The following PLEKHA5 variants were observed in gnomAD, a reference collection of about 807,000 sequenced individuals.
The protein encoded by PLEKHA5 is pleckstrin homology domain containing A5.
In PLEKHA5, 55 loss-of-function variants were observed where a neutral mutation model predicts 181.9. The ratio of observed to expected loss-of-function variants is 0.30; its 90% CI spans 0.24 to 0.38. The LOEUF is 0.38. PLEKHA5 is among the 10% of genes least tolerant of loss of function. The pLI, the probability that PLEKHA5 is intolerant of heterozygous loss-of-function variation, is 1.00. For synonymous variants in PLEKHA5, 535 were observed against 529.4 expected (o/e 1.01, Z -0.15); for missense variants, 1,432 against 1,549.5 (o/e 0.92, Z 1.27).
At chr12:19,153,853 T>C (rs1210561293) in intron 3 of PLEKHA5, 1 of 152,214 alleles carries the variant, frequency 6.6e-6, no homozygotes, top group Non-Finnish European at 1.5e-5. Flanking sequence ...TTGTCTGGCT[T>C]TGATAGCAAG....
intron 16 of PLEKHA5, among the ~76,000 whole-genome samples, chr12:19,316,581 A>G (rs1229227574): frequency 6.6e-6 from 1 of 152,168 alleles, no homozygotes; most frequent in African/African-American, 2.4e-5. Flanking sequence ...TGAATGTCTA[A>G]TGTCAGCAGC....
chr12:19,365,884 G>C, intron 29 of PLEKHA5, 80 bp from the exon 30 acceptor site: 1 of 817,370 alleles, frequency 1.2e-6, no homozygotes, highest in East Asian at 2.9e-5. Flanking sequence ...ATAGGTGGTG[G>C]CATCTTTTAT....
At chr12:19,199,316 T>C (rs1389169226) in intron 3 of PLEKHA5, among the ~76,000 whole-genome samples, 1 of 152,136 alleles carries the variant, frequency 6.6e-6, no homozygotes, top group East Asian at 1.9e-4. Flanking sequence ...TATATCTGGG[T>C]GAGAAAGCAA....
intron 3 of PLEKHA5, among the ~76,000 whole-genome samples, chr12:19,216,705 A>G (rs945383419): frequency 1.3e-5 from 2 of 151,916 alleles, no homozygotes; most frequent in Non-Finnish European, 2.9e-5. Flanking sequence ...AGCCTAGACT[A>G]CCTAAGGGAT....
chr12:19,174,639 C>G (rs138097097), intron 3 of PLEKHA5, among the ~76,000 whole-genome samples: 1 of 152,128 alleles, frequency 6.6e-6, no homozygotes, highest in East Asian at 1.9e-4. Context: ...TGAGCTGATA[C>G]TTTGAGGGCT....
intron 16 of PLEKHA5, among the ~76,000 whole-genome samples, chr12:19,318,624 A>C (rs1444499777): frequency 6.6e-6 from 1 of 152,198 alleles, no homozygotes; most frequent in East Asian, 1.9e-4. Context: ...TTTAACTTTA[A>C]ATATTAAGCA....
chr12:19,359,768 C>G (rs909197034), intron 28 of PLEKHA5, among the ~76,000 whole-genome samples: 1 of 149,442 alleles, frequency 6.7e-6, no homozygotes, highest in African/African-American at 2.5e-5. Context: ...TCGAGACCAT[C>G]CTGGCTAACA....
At chr12:19,176,312 C>G (rs894884266) in intron 3 of PLEKHA5, 1 of 148,994 alleles carries the variant, frequency 6.7e-6, no homozygotes, top group African/African-American at 2.5e-5. Flanking sequence ...TATTATATGC[C>G]GAGGCTGGAG....
chr12:19,303,698 TC>T (rs2082250476), intron 15 of PLEKHA5: 1 of 152,138 alleles, frequency 6.6e-6, no homozygotes, highest in African/African-American at 2.4e-5. Flanking sequence ...GGTCAAGACT[TC>T]TGTGCTGATC....
intron 20 of PLEKHA5, among the ~76,000 whole-genome samples, chr12:19,327,306 C>G (rs1004168728): frequency 3.6e-5 from 5 of 138,344 alleles, no homozygotes; most frequent in Admixed American, 1.5e-4. Context: ...GAGATGGTAT[C>G]TCATTGTGAT....
chr12:19,282,505 TC>T (rs2076394549), intron 11 of PLEKHA5, among the ~76,000 whole-genome samples: 4 of 152,228 alleles, frequency 2.6e-5, no homozygotes, highest in Admixed American at 2.6e-4. Context: ...TAACCATACT[TC>T]CTGAAAGAAA....
At chr12:19,333,578 G>T (rs2093064032) in intron 20 of PLEKHA5, among the ~76,000 whole-genome samples, 2 of 150,232 alleles carry the variant, frequency 1.3e-5, no homozygotes, top group Non-Finnish European at 3.0e-5. Flanking sequence ...AACAGCATAA[G>T]GCTCCATCTC....
At chr12:19,319,996 A>G (rs1172811520) in intron 16 of PLEKHA5, 25 bp from the exon 17 acceptor site, 1 of 1,351,870 alleles carries the variant, frequency 7.4e-7, no homozygotes, top group South Asian at 1.3e-5. Flanking sequence ...AATTAAACCC[A>G]TCCTTTTCCT....
chr12:19,153,310 T>C (rs1391165611), intron 3 of PLEKHA5: 1 of 152,176 alleles, frequency 6.6e-6, no homozygotes, highest in Non-Finnish European at 1.5e-5. Flanking sequence ...TTTCTTTTAG[T>C]TTGCTTATTC....
Position 19,334,473 on chromosome 12 carries a change from C to A in PLEKHA5, c.2449-2042C>A, listed in dbSNP as rs564503415. 2.8e-4 allele frequency among the ~76,000 whole-genome samples: 43 copies of A among 152,176 alleles called. No individual in the cohort carries two copies. In the Middle Eastern group the frequency reaches 0.01, roughly 36 times the overall value. Reference sequence around the variant, plus strand: ...AAATGCCTCTGCAGTGCAGTTAAGCCTACCCTGAACTCTGCATTTCCACAA... The same window carrying A: ...AAATGCCTCTGCAGTGCAGTTAAGCATACCCTGAACTCTGCATTTCCACAA... On this transcript the variant is annotated intron_variant, in intron 20 of 31. Transcript: ENST00000429027.
intron 3 of PLEKHA5, among the ~76,000 whole-genome samples, chr12:19,188,532 A>G (rs1472003776): frequency 6.6e-6 from 1 of 152,234 alleles, no homozygotes; most frequent in African/African-American, 2.4e-5. Context: ...CAATCATATT[A>G]GATTAGAAAT....
chr12:19,282,320 G>A (rs963650077), intron 11 of PLEKHA5, among the ~76,000 whole-genome samples: 9 of 152,078 alleles, frequency 5.9e-5, no homozygotes, highest in African/African-American at 2.2e-4. Context: ...TGGAAACTTT[G>A]CAAAATTGCT....
chr12:19,205,997 A>C (rs2055396460), intron 3 of PLEKHA5, among the ~76,000 whole-genome samples: 1 of 152,136 alleles, frequency 6.6e-6, no homozygotes, highest in Admixed American at 6.6e-5. Context: ...CTATTCTAAA[A>C]TAAAATGAAA....
intron 3 of PLEKHA5, among the ~76,000 whole-genome samples, chr12:19,143,569 A>G (rs1171015356): frequency 6.6e-6 from 1 of 152,200 alleles, no homozygotes; most frequent in African/African-American, 2.4e-5. Context: ...TTATGCATAT[A>G]TAACACATAA....
Sources: gnomAD v4.1 joint callset for allele counts (sites outside exome capture counted in the v4.1 genomes callset) on GRCh38, gnomAD v4.1.1 for gene constraint, MANE v1.5 for transcripts, NCBI Gene and HGNC (gene_info 2026-07-23, HGNC 2026-07-21) for gene names.